Variants in CIP2A observed in about 807,000 individuals in gnomAD.
The protein encoded by CIP2A is protein CIP2A.
A neutral mutation model predicts 110.9 loss-of-function variants in CIP2A; 103 were observed. The observed-to-expected ratio is 0.93, with a 90% CI of 0.79 to 1.09. The LOEUF (loss-of-function observed/expected upper bound fraction) is 1.09, where lower values mean the gene tolerates loss of function less well. Ranked by LOEUF, CIP2A falls within the 50% of genes least tolerant of loss-of-function variation. The pLI is 0.00. For synonymous variants in CIP2A, 381 were observed against 361.6 expected (o/e 1.05, Z -0.61); for missense variants, 1,088 against 1,038.4 (o/e 1.05, Z -0.66).
chr3:108,583,408 T>C (rs1183762176), intron 2 of CIP2A, among the ~76,000 whole-genome samples: 1 of 152,212 alleles, frequency 6.6e-6, no homozygotes, highest in African/African-American at 2.4e-5. Context: ...GGAATACTAT[T>C]TGGCCATATA....
rs1305697875 is a variant in CIP2A, at chr3:108,573,782, C to CT, written c.894+2488dup. On this transcript the variant is annotated intron_variant, in intron 8 of 20. Coordinates refer to ENST00000295746, the MANE Select transcript of CIP2A (RefSeq NM_020890.3). ...GTAACAAACTTTGTACTGTTTCAAC[C>CT]TTTCTACCATCTTTTAGATCATTGT... Among the ~76,000 whole-genome samples the CT allele has an allele frequency of 2.0e-5, 3 of 152,044 alleles. No homozygotes were observed. The East Asian group carries it at 5.8e-4, about 29-fold the overall frequency.
intron 16 of CIP2A, among the ~76,000 whole-genome samples, chr3:108,559,256 G>A (rs192770544): frequency 1.5e-4 from 23 of 152,104 alleles, no homozygotes; most frequent in African/African-American, 5.1e-4. Context: ...TGATTTCCAG[G>A]GTTCTTATTT....
intron 5 of CIP2A, among the ~76,000 whole-genome samples, chr3:108,580,935 A>G (rs1254210000): frequency 4.6e-5 from 7 of 152,058 alleles, no homozygotes; most frequent in African/African-American, 1.7e-4. Context: ...GATTTAATAT[A>G]CTTCTAAAAG....
intron 2 of CIP2A, among the ~76,000 whole-genome samples, chr3:108,583,648 G>C (rs1326554783): frequency 1.3e-5 from 2 of 152,016 alleles, no homozygotes; most frequent in Non-Finnish European, 2.9e-5. Flanking sequence ...GGGAGATGAA[G>C]ACAGATTGAT....
intron 10 of CIP2A, among the ~76,000 whole-genome samples, chr3:108,567,611 CT>C (rs551649110): frequency 6.6e-6 from 1 of 151,840 alleles, no homozygotes; most frequent in Non-Finnish European, 1.5e-5. Flanking sequence ...TAAAAGGTTT[CT>C]TTTTAAATGA....
Position 108,563,203 on chromosome 3 carries a change from T to C in CIP2A, c.1557A>G (p.Ser519=). The C allele has an allele frequency of 6.2e-7, 1 of 1,612,778 alleles. No individual in the cohort carries two copies. Among genetic ancestry groups the C allele is most frequent in the South Asian group, 1.1e-5 (1 of 91,012 alleles). ...CAGACTGTACTTGTTCTCTATTATC[T>C]GACGTTAAAGCAAAAGCCAAAGGAG... ...LITPLAFALT[S]DNREQVQSGL... is the part of the protein sequence containing the mutation. The change falls in exon 13 of 21, where the codon TCA becomes TCG. Residue 519 remains serine, a synonymous_variant. Transcript: ENST00000295746.
At chr3:108,570,056 ACT>A (rs765173002) in intron 8 of CIP2A, among the ~76,000 whole-genome samples, 5 of 152,012 alleles carry the variant, frequency 3.3e-5, no homozygotes, top group East Asian at 1.9e-4. Flanking sequence ...TTATTTCCAC[ACT>A]GTTTGCATAC....
At chr3:108,569,189 C>T (rs1371196113) in intron 9 of CIP2A, among the ~76,000 whole-genome samples, 200 bp downstream of exon 9, 45 of 2,680 alleles carry the variant, frequency 0.017, no homozygotes, top group Middle Eastern at 0.25. Context: ...TATACATACA[C>T]ACTACTCAGT....
chr3:108,564,230 G>A (rs1036889706), intron 12 of CIP2A, among the ~76,000 whole-genome samples: 1 of 151,832 alleles, frequency 6.6e-6, no homozygotes, highest in East Asian at 1.9e-4. Flanking sequence ...AGTCGAGAGA[G>A]GTGAAATAAC....
At chr3:108,553,028 T>A (rs879309669) in intron 19 of CIP2A, among the ~76,000 whole-genome samples, 10 of 151,616 alleles carry the variant, frequency 6.6e-5, no homozygotes, top group Non-Finnish European at 1.5e-4. Context: ...ATATACCCAG[T>A]GTAACAGACC....
In CIP2A at chr3:108,550,581, T is replaced by C. The variant is rs890097919; in HGVS notation, c.*568A>G. 1.3e-5 allele frequency: 2 copies of C among 151,568 alleles called. No individual in the cohort carries two copies. Among genetic ancestry groups the C allele is most frequent in the East Asian group, 1.9e-4 (1 of 5,170 alleles). 9.4% of individuals were successfully genotyped at this position (151,568 alleles called of 1,614,324 possible). ...CTAATTTTTATACATTTTATTACCA[T>C]TGCATTTTTTTCAAATTTAGAAATT... On this transcript the variant is annotated 3_prime_UTR_variant, in exon 21 of 21. Coordinates refer to ENST00000295746, the MANE Select transcript of CIP2A (RefSeq NM_020890.3).
chr3:108,586,549 T>C (rs933368105), intron 1 of CIP2A, among the ~76,000 whole-genome samples: 1 of 152,204 alleles, frequency 6.6e-6, no homozygotes, highest in Non-Finnish European at 1.5e-5. Flanking sequence ...CAAAGATAAT[T>C]TATTTTAATA....
intron 1 of CIP2A, among the ~76,000 whole-genome samples, chr3:108,587,867 A>G (rs2107378443): frequency 6.6e-6 from 1 of 152,016 alleles, no homozygotes; most frequent in East Asian, 1.9e-4. Context: ...ATGCAACCTC[A>G]GCCTCCCGAG....
intron 13 of CIP2A, among the ~76,000 whole-genome samples, chr3:108,561,323 AAAC>A (rs1937998896): frequency 6.6e-6 from 1 of 152,122 alleles, no homozygotes; most frequent in Admixed American, 6.6e-5. Context: ...TTCTACCACA[AAAC>A]AAAATATTTT....
chr3:108,588,807 G>A (rs1432022378), intron 1 of CIP2A, among the ~76,000 whole-genome samples: 1 of 152,200 alleles, frequency 6.6e-6, no homozygotes, highest in Non-Finnish European at 1.5e-5. Flanking sequence ...GCTTCTTAAT[G>A]TTGAAATAAT....
At chr3:108,552,799 A>G (rs1937626119) in intron 19 of CIP2A, among the ~76,000 whole-genome samples, 1 of 152,150 alleles carries the variant, frequency 6.6e-6, no homozygotes, top group African/African-American at 2.4e-5. Flanking sequence ...GCAATCCATA[A>G]TCCTATGTGA....
chr3:108,575,429 CATACACAT>C, intron 8 of CIP2A, among the ~76,000 whole-genome samples: 2 of 143,656 alleles, frequency 1.4e-5, no homozygotes, highest in Non-Finnish European at 3.1e-5. Context: ...TACATGTATA[CATACACAT>C]ACATATATAC....
chr3:108,564,095 ATT>A (rs1415462953), intron 12 of CIP2A, among the ~76,000 whole-genome samples: 1 of 152,074 alleles, frequency 6.6e-6, no homozygotes, highest in Non-Finnish European at 1.5e-5. Flanking sequence ...TAATTAAAAT[ATT>A]GAGTACCTTG....
intron 7 of CIP2A, 35 bp downstream of exon 7, chr3:108,579,245 TA>T (rs766283256): frequency 1.3e-6 from 2 of 1,530,062 alleles, no homozygotes; most frequent in South Asian, 1.2e-5. Context: ...GGTTTAAAAA[TA>T]AAAAAGTTCT....
Sources: allele counts gnomAD v4.1 joint callset (sites outside exome capture counted in the v4.1 genomes callset), GRCh38; gene constraint gnomAD v4.1.1; transcripts MANE v1.5; gene names NCBI Gene and HGNC (gene_info 2026-07-23, HGNC 2026-07-21).